The following SLC16A9 variants were observed in gnomAD, a reference collection of about 807,000 sequenced individuals.
SLC16A9 encodes solute carrier family 16 member 9, also known as monocarboxylate transporter 9.
A neutral mutation model predicts 44.3 loss-of-function variants in SLC16A9; 26 were observed. The observed-to-expected ratio is 0.59, with a 90% CI of 0.43 to 0.81. SLC16A9 has a LOEUF of 0.81. SLC16A9 is among the 40% of genes least tolerant of loss of function. The pLI is 0.00. For synonymous variants in SLC16A9, 230 were observed against 225.1 expected, an observed-to-expected ratio of 1.02 and a Z score of -0.19; for missense variants, 559 against 595.8, an observed-to-expected ratio of 0.94 and a Z score of 0.64.
intron 3 of SLC16A9, among the ~76,000 whole-genome samples, chr10:59,671,985 T>C (rs1376739738): frequency 6.6e-6 from 1 of 152,206 alleles, no homozygotes; most frequent in African/African-American, 2.4e-5. Context: ...TGGAGAAATA[T>C]TTCCAGGCAG....
chr10:59,652,079 T>A lies in SLC16A9; in HGVS notation c.*693A>T, dbSNP rs1439547245. On this transcript the variant is annotated 3_prime_UTR_variant, in exon 6 of 6. Coordinates refer to ENST00000395348, the MANE Select transcript of SLC16A9 (RefSeq NM_194298.3). Reference sequence around the variant, plus strand: ...GAAGAAAGTCTACAGTGACTACTTCTCCATTTGGAGTTCACCCACATCTCA... The same window carrying A: ...GAAGAAAGTCTACAGTGACTACTTCACCATTTGGAGTTCACCCACATCTCA... 1 of 152,194 alleles carries A rather than the reference T, an allele frequency of 6.6e-6. No homozygotes were observed. Among genetic ancestry groups the A allele is most frequent in the East Asian group, 1.9e-4 (1 of 5,194 alleles). 9.4% of individuals were successfully genotyped at this position (152,194 alleles called of 1,614,324 possible).
At chr10:59,707,357 G>A (rs1840667436) in intron 1 of SLC16A9, among the ~76,000 whole-genome samples, 1 of 149,052 alleles carries the variant, frequency 6.7e-6, no homozygotes, top group Admixed American at 6.7e-5. Flanking sequence ...GGGAAGGGAA[G>A]GGAAGGGAGA....
At chr10:59,653,424 T>TAAAAAAAAA (rs1564693193) in intron 5 of SLC16A9, among the ~76,000 whole-genome samples, 1 of 776 alleles carries the variant, frequency 1.3e-3, no homozygotes, top group African/African-American at 1.6e-3. Context: ...AAACTCCGTC[T>TAAAAAAAAA]CAAAAAAAAA....
At chr10:59,699,901 AACACACACAC>A (rs57820696) in intron 1 of SLC16A9, among the ~76,000 whole-genome samples, 18 of 147,672 alleles carry the variant, frequency 1.2e-4, no homozygotes, top group Middle Eastern at 3.5e-3. Context: ...CTGCACTGAA[AACACACACAC>A]ACACACACAC....
In SLC16A9 at chr10:59,653,908, T is replaced by C; in HGVS notation, c.1118A>G (p.Tyr373Cys). 6.2e-7 allele frequency: 1 copy of C among 1,614,138 alleles called. No individual in the cohort carries two copies. Among genetic ancestry groups the C allele is most frequent in the Non-Finnish European group, 8.5e-7 (1 of 1,180,030 alleles). ...LADFKWINTL[Y>C]LYVATLIIMG... Reference sequence around the variant, plus strand: ...GATGATTAAGGTAGCAACATAAAGATACAAGGTATTAATCCACTTGAAGTC... The same window carrying C: ...GATGATTAAGGTAGCAACATAAAGACACAAGGTATTAATCCACTTGAAGTC... The change falls in exon 5 of 6, where the codon TAT becomes TGT. Residue 373 changes from tyrosine (Y) to cysteine (C), a missense_variant. Tyr to Cys is a radical substitution (Grantham distance 194, BLOSUM62 -2). Coordinates refer to ENST00000395348, the MANE Select transcript of SLC16A9 (RefSeq NM_194298.3).
intron 1 of SLC16A9, among the ~76,000 whole-genome samples, chr10:59,694,655 G>A (rs1840328885): frequency 6.6e-6 from 1 of 150,900 alleles, no homozygotes; most frequent in South Asian, 2.1e-4. Flanking sequence ...ACAAAAATTA[G>A]CCAGCTGTGA....
chr10:59,691,382 G>T (rs911691378), intron 1 of SLC16A9, among the ~76,000 whole-genome samples: 1 of 152,060 alleles, frequency 6.6e-6, no homozygotes, highest in Non-Finnish European at 1.5e-5. Context: ...TAATTTAGGG[G>T]CAGTTTTTTT....
chr10:59,675,596 C>T (rs1353374515), intron 2 of SLC16A9, among the ~76,000 whole-genome samples: 9 of 152,188 alleles, frequency 5.9e-5, no homozygotes, highest in Admixed American at 5.9e-4. Flanking sequence ...AGGAGTTGGA[C>T]AAGTGGACTC....
intron 1 of SLC16A9, among the ~76,000 whole-genome samples, chr10:59,690,124 A>G (rs1441466047): frequency 6.6e-6 from 1 of 152,196 alleles, no homozygotes. Flanking sequence ...GAGGTGAGCC[A>G]TAACAGTGAG....
intron 1 of SLC16A9, among the ~76,000 whole-genome samples, chr10:59,687,929 C>T (rs905958155): frequency 4.8e-5 from 7 of 146,808 alleles, no homozygotes; most frequent in Admixed American, 1.4e-4. Flanking sequence ...CACTGCACTC[C>T]AGTGTGGGTG....
At chr10:59,709,194 A>AC (rs1840710528) in intron 1 of SLC16A9, among the ~76,000 whole-genome samples, 1 of 151,012 alleles carries the variant, frequency 6.6e-6, no homozygotes, top group Non-Finnish European at 1.5e-5. Context: ...CACCCCCAGG[A>AC]CCCCCTCCCT....
chr10:59,684,019 C>T (rs932516386), intron 2 of SLC16A9, 77 bp downstream of exon 2: 3 of 1,240,430 alleles, frequency 2.4e-6, no homozygotes, highest in African/African-American at 1.5e-5. Context: ...CCCTCTCTGC[C>T]TTGCACAATG....
intron 2 of SLC16A9, among the ~76,000 whole-genome samples, chr10:59,681,092 C>T (rs1839976090): frequency 6.6e-6 from 1 of 151,984 alleles, no homozygotes; most frequent in Admixed American, 6.6e-5. Context: ...CTGAAATGGT[C>T]CCATAGATGA....
chr10:59,665,061 A>AT (rs143046733), intron 3 of SLC16A9, among the ~76,000 whole-genome samples: 4,466 of 152,274 alleles, frequency 0.029, 203 homozygotes, highest in African/African-American at 0.1. Context: ...AACAAAAAAA[A>AT]GTTACAACTA....
intron 3 of SLC16A9, among the ~76,000 whole-genome samples, chr10:59,671,597 C>T (rs186538466): frequency 5.3e-5 from 8 of 152,300 alleles, no homozygotes; most frequent in African/African-American, 1.9e-4. Context: ...GAACTCCCTA[C>T]ATTGTTCTTT....
At chr10:59,686,150 T>A (rs185609541) in intron 1 of SLC16A9, among the ~76,000 whole-genome samples, 13 of 152,326 alleles carry the variant, frequency 8.5e-5, no homozygotes, top group African/African-American at 2.9e-4. Flanking sequence ...GGATATTCTA[T>A]TCTGTTCCAT....
chr10:59,695,668 G>A (rs1840355530), intron 1 of SLC16A9, among the ~76,000 whole-genome samples: 1 of 152,188 alleles, frequency 6.6e-6, no homozygotes, highest in Non-Finnish European at 1.5e-5. Flanking sequence ...AGGAAATTAT[G>A]TATTGCTTAT....
intron 1 of SLC16A9, among the ~76,000 whole-genome samples, chr10:59,691,287 T>C (rs1473124060): frequency 6.6e-6 from 1 of 152,128 alleles, no homozygotes; most frequent in Non-Finnish European, 1.5e-5. Context: ...TCAACCAGAG[T>C]GTTAACAAAC....
At chr10:59,706,999 CAA>C (rs760131923) in intron 1 of SLC16A9, among the ~76,000 whole-genome samples, 12 of 90,488 alleles carry the variant, frequency 1.3e-4, no homozygotes, top group Middle Eastern at 8.3e-3. Context: ...AACTCCATCT[CAA>C]AAAAAAAAAA....
Sources: allele counts gnomAD v4.1 joint callset (sites outside exome capture counted in the v4.1 genomes callset), GRCh38; gene constraint gnomAD v4.1.1; transcripts MANE v1.5; gene names NCBI Gene and HGNC (gene_info 2026-07-23, HGNC 2026-07-21).